SMOC2: variants seen among roughly 807,000 people sequenced by gnomAD.
The protein encoded by SMOC2 is SPARC-related modular calcium-binding protein 2.
In SMOC2, 39 loss-of-function variants were observed where a neutral mutation model predicts 61.4. The ratio of observed to expected loss-of-function variants is 0.64; its 90% CI spans 0.49 to 0.83. SMOC2 has a LOEUF of 0.83. SMOC2 is among the 40% of genes least tolerant of loss of function. The pLI is 0.00. For synonymous variants in SMOC2, 247 were observed against 239.9 expected (o/e 1.03, Z -0.27); for missense variants, 556 against 592.9 (o/e 0.94, Z 0.65).
chr6:168,608,002 C>T (rs2115203162), intron 8 of SMOC2, among the ~76,000 whole-genome samples, 155 bp from the exon 9 acceptor site: 1 of 152,310 alleles, frequency 6.6e-6, no homozygotes, highest in African/African-American at 2.4e-5. Flanking sequence ...ACAAAGGTGA[C>T]AGAAAGGAGT....
At chr6:168,572,905 G>A (rs1583122167) in intron 7 of SMOC2, among the ~76,000 whole-genome samples, 2 of 106,004 alleles carry the variant, frequency 1.9e-5, no homozygotes, top group South Asian at 7.1e-4. Flanking sequence ...GTCCCTGAAC[G>A]CGATGTTCAC....
At chr6:168,578,078 G>T (rs1784847675) in intron 7 of SMOC2, among the ~76,000 whole-genome samples, 1 of 152,224 alleles carries the variant, frequency 6.6e-6, no homozygotes, top group South Asian at 2.1e-4. Context: ...CAGGTACAAT[G>T]ACACCAGCTT....
At chr6:168,637,189 A>C (rs867361775) in intron 9 of SMOC2, among the ~76,000 whole-genome samples, 4 of 152,280 alleles carry the variant, frequency 2.6e-5, no homozygotes, top group Non-Finnish European at 2.9e-5. Context: ...AAACAATAGC[A>C]TATTAACCAT....
At chr6:168,633,194 G>C (rs554073729) in intron 9 of SMOC2, among the ~76,000 whole-genome samples, 1 of 152,222 alleles carries the variant, frequency 6.6e-6, no homozygotes, top group Non-Finnish European at 1.5e-5. Context: ...AAAATTTGGT[G>C]TATTCAGATA....
chr6:168,494,126 G>A (rs1020441640), intron 1 of SMOC2, among the ~76,000 whole-genome samples: 1 of 152,210 alleles, frequency 6.6e-6, no homozygotes, highest in Non-Finnish European at 1.5e-5. Flanking sequence ...CTTGGCAAGT[G>A]TATTAGATGG....
At chr6:168,648,069 C>CA (rs112914297) in intron 9 of SMOC2, among the ~76,000 whole-genome samples, 41,193 of 151,712 alleles carry the variant, frequency 0.27, 7,804 homozygotes, top group African/African-American at 0.55. Flanking sequence ...AATTAACAGC[C>CA]AAAAAAAATC....
intron 1 of SMOC2, among the ~76,000 whole-genome samples, chr6:168,457,640 G>C (rs371300114): frequency 6.6e-6 from 1 of 152,186 alleles, no homozygotes; most frequent in African/African-American, 2.4e-5. Context: ...GCCTGGCCTC[G>C]CACTCGCTGC....
chr6:168,517,669 A>C lies in SMOC2; in HGVS notation c.256+7583A>C, dbSNP rs143869500. 8.2e-4 allele frequency among the ~76,000 whole-genome samples: 125 copies of C among 152,312 alleles called. 1 individual carries two copies. The highest frequency in any genetic ancestry group is 2.9e-3 in the African/African-American group (120 of 41,572). On this transcript the variant is annotated intron_variant, in intron 2 of 12. Transcript: ENST00000356284. ...TGCTCCTTCTGTTGCAGTTTTCCTG[A>C]GAGCACGGCAATGGCCCCTGCGGCT...
intron 11 of SMOC2, among the ~76,000 whole-genome samples, chr6:168,659,916 T>TGGAGGTTGTAGGTTGGGTGAGGG (rs1787459365): frequency 5.7e-5 from 4 of 70,464 alleles, no homozygotes; most frequent in Non-Finnish European, 1.0e-4. Context: ...TTGGGTGAGG[T>TGGAGGTTGTAGGTTGGGTGAGGG]TGGAGGTTGT....
At chr6:168,477,912 C>T (rs1267799906) in intron 1 of SMOC2, among the ~76,000 whole-genome samples, 5 of 152,146 alleles carry the variant, frequency 3.3e-5, no homozygotes, top group Non-Finnish European at 7.3e-5. Context: ...TTCTTACGAC[C>T]CAGTGAAGGT....
At chr6:168,599,460 C>T (rs1373856039) in intron 8 of SMOC2, among the ~76,000 whole-genome samples, 1 of 141,034 alleles carries the variant, frequency 7.1e-6, no homozygotes, top group Non-Finnish European at 1.5e-5. Context: ...TACCCCCACA[C>T]ACCCACTCAC....
chr6:168,446,934 A>G (rs1006048527), intron 1 of SMOC2, among the ~76,000 whole-genome samples: 1 of 152,232 alleles, frequency 6.6e-6, no homozygotes, highest in African/African-American at 2.4e-5. Flanking sequence ...TTTATTATGT[A>G]TGACATAATG....
chr6:168,620,143 G>A (rs775939290), intron 9 of SMOC2, among the ~76,000 whole-genome samples: 10 of 152,292 alleles, frequency 6.6e-5, no homozygotes, highest in Non-Finnish European at 1.0e-4. Flanking sequence ...TGCCTTGAGC[G>A]TTCTTTAGCT....
At chr6:168,492,167 ATAGGACTTACC>A (rs1374225265) in intron 1 of SMOC2, among the ~76,000 whole-genome samples, 1 of 152,252 alleles carries the variant, frequency 6.6e-6, no homozygotes, top group Non-Finnish European at 1.5e-5. Context: ...AAGGAAAAAT[ATAGGACTTACC>A]TATCTAAATG....
intron 7 of SMOC2, among the ~76,000 whole-genome samples, chr6:168,570,715 GA>G (rs1358501918): frequency 2.6e-5 from 4 of 152,176 alleles, no homozygotes; most frequent in African/African-American, 9.7e-5. Flanking sequence ...AATTTAAAGA[GA>G]AAACTTGAGG....
intron 7 of SMOC2, among the ~76,000 whole-genome samples, chr6:168,574,221 G>A (rs969580320): frequency 5.3e-5 from 8 of 152,258 alleles, no homozygotes; most frequent in East Asian, 3.9e-4. Context: ...GTGTGGCAGC[G>A]CTGGGAGGGG....
intron 1 of SMOC2, among the ~76,000 whole-genome samples, chr6:168,454,596 C>T (rs1186212550): frequency 6.6e-6 from 1 of 152,142 alleles, no homozygotes; most frequent in African/African-American, 2.4e-5. Flanking sequence ...GCAGGTAGAC[C>T]GTTTGCCCTT....
rs564951104 is a variant in SMOC2, at chr6:168,621,274, C to T, written c.907+13035C>T. Among the ~76,000 whole-genome samples, 205 of 152,282 alleles carry T rather than the reference C, an allele frequency of 1.3e-3. 1 individual carries two copies. In the Middle Eastern group the frequency reaches 0.017, roughly 13 times the overall value. On this transcript the variant is annotated intron_variant, in intron 9 of 12. Transcript: ENST00000356284. Reference sequence around the variant, plus strand: ...GTCCTATTTATGCATCTTTTCTCTACGCTTTTCCTGATGTAATCAACTTAC... The same window carrying T: ...GTCCTATTTATGCATCTTTTCTCTATGCTTTTCCTGATGTAATCAACTTAC...
In SMOC2 at chr6:168,458,181, G is replaced by A. The variant is rs528663298; in HGVS notation, c.84+16727G>A. 1.1e-4 allele frequency among the ~76,000 whole-genome samples: 17 copies of A among 152,330 alleles called. 1 individual carries two copies. The highest frequency in any genetic ancestry group is 7.8e-4 in the Admixed American group (12 of 15,310). Reference sequence around the variant, plus strand: ...GGACCGTTCCCCTGGGGCCATCAACGTACCGGCTCATCAGAGAGAACTGGG... The same window carrying A: ...GGACCGTTCCCCTGGGGCCATCAACATACCGGCTCATCAGAGAGAACTGGG... On this transcript the variant is annotated intron_variant, in intron 1 of 12. Transcript: ENST00000356284.
Sources: gnomAD v4.1 joint callset for allele counts (sites outside exome capture counted in the v4.1 genomes callset) on GRCh38, gnomAD v4.1.1 for gene constraint, MANE v1.5 for transcripts, NCBI Gene and HGNC (gene_info 2026-07-23, HGNC 2026-07-21) for gene names.